MEGF10: variants seen among roughly 807,000 people sequenced by gnomAD.
MEGF10 encodes the protein multiple EGF like domains 10, also known as multiple epidermal growth factor-like domains protein 10.
A neutral mutation model predicts 147.5 loss-of-function variants in MEGF10; 86 were observed. That is an observed-to-expected ratio of 0.58 (90% CI 0.49 to 0.70). MEGF10 has a LOEUF of 0.70. Ranked by LOEUF, MEGF10 falls within the 30% of genes least tolerant of loss-of-function variation. The pLI, the probability that MEGF10 is intolerant of heterozygous loss-of-function variation, is 0.00. For missense variants in MEGF10, 1,329 were observed against 1,487.3 expected (o/e 0.89, Z 1.75); for synonymous variants, 478 against 525.5 (o/e 0.91, Z 1.24).
At chr5:127,264,764 G>T in the MEGF10 span, among the ~76,000 whole-genome samples, 2 of 151,994 alleles carry the variant, frequency 1.3e-5, no homozygotes, top group African/African-American at 4.8e-5. Context: ...AAAGAAAAAG[G>T]GTAGCTGCTT....
chr5:127,266,853 C>T, the MEGF10 span, among the ~76,000 whole-genome samples: 3 of 152,332 alleles, frequency 2.0e-5, no homozygotes, highest in South Asian at 4.1e-4. Context: ...GATATACAAT[C>T]ATGTCATCTG....
intron 2 of MEGF10, among the ~76,000 whole-genome samples, chr5:127,336,057 T>C (rs1415071318): frequency 8.8e-6 from 1 of 113,914 alleles, no homozygotes; most frequent in African/African-American, 3.2e-5. Flanking sequence ...TTATCATTGG[T>C]CAGAAACTGA....
chr5:127,385,653 C>T (rs1445943580), intron 5 of MEGF10, among the ~76,000 whole-genome samples: 1 of 152,106 alleles, frequency 6.6e-6, no homozygotes, highest in East Asian at 1.9e-4. Flanking sequence ...GTATTATAAG[C>T]GGACATCTCT....
intron 5 of MEGF10, among the ~76,000 whole-genome samples, chr5:127,383,102 A>C (rs1501993): frequency 0.016 from 2,441 of 152,292 alleles, 48 homozygotes; most frequent in South Asian, 0.076. Flanking sequence ...CTACTTCTTT[A>C]TAATTTGTTT....
chr5:127,237,898 AT>A, the MEGF10 span, among the ~76,000 whole-genome samples: 9 of 152,002 alleles, frequency 5.9e-5, no homozygotes, highest in Non-Finnish European at 1.3e-4. Flanking sequence ...GGAAATGTTA[AT>A]GCTAGTCATC....
chr5:127,336,391 A>G (rs1761470376), intron 2 of MEGF10, among the ~76,000 whole-genome samples: 2 of 152,066 alleles, frequency 1.3e-5, no homozygotes, highest in African/African-American at 2.4e-5. Flanking sequence ...CAGGAATTGC[A>G]TAGAAGTTGC....
chr5:127,273,699 A>T, the MEGF10 span, among the ~76,000 whole-genome samples: 1 of 152,194 alleles, frequency 6.6e-6, no homozygotes, highest in Non-Finnish European at 1.5e-5. Context: ...TCTTAATTAC[A>T]TGATAAGGTC....
chr5:127,388,641 G>A (rs1763529409), intron 5 of MEGF10, among the ~76,000 whole-genome samples: 1 of 151,768 alleles, frequency 6.6e-6, no homozygotes, highest in South Asian at 2.1e-4. Context: ...CGCCTCCTGG[G>A]TTCACACCAT....
intron 2 of MEGF10, among the ~76,000 whole-genome samples, chr5:127,337,642 T>C (rs989300372): frequency 2.0e-5 from 3 of 152,086 alleles, no homozygotes; most frequent in Admixed American, 6.6e-5. Flanking sequence ...CATCTGAACT[T>C]ATTTTTGCAG....
At chr5:127,247,438 A>G in the MEGF10 span, among the ~76,000 whole-genome samples, 142 of 110,164 alleles carry the variant, frequency 1.3e-3, 26 homozygotes, top group Middle Eastern at 8.8e-3. Context: ...GAAGAAGAAG[A>G]AGAAGAAGAA....
the MEGF10 span, among the ~76,000 whole-genome samples, chr5:127,271,069 T>C: frequency 6.6e-6 from 1 of 152,224 alleles, no homozygotes; most frequent in African/African-American, 2.4e-5. Flanking sequence ...TTCCTTTGGG[T>C]ATATACCCAG....
At chr5:127,435,245 T>C (rs914157279) in intron 15 of MEGF10, 116 bp from the exon 16 acceptor site, 1 of 1,209,062 alleles carries the variant, frequency 8.3e-7, no homozygotes, top group Non-Finnish European at 1.2e-6. Flanking sequence ...TGAGCAGAGA[T>C]AGCTACCAAT....
chr5:127,276,162 T>A, the MEGF10 span, among the ~76,000 whole-genome samples: 1 of 152,242 alleles, frequency 6.6e-6, no homozygotes. Context: ...GTTGTTTTCA[T>A]GTCAGTGACA....
At chr5:127,334,365 A>G (rs1382726570) in intron 2 of MEGF10, among the ~76,000 whole-genome samples, 2 of 152,254 alleles carry the variant, frequency 1.3e-5, no homozygotes, top group Non-Finnish European at 2.9e-5. Flanking sequence ...ACAGACTCTC[A>G]GGTCCCACCC....
At chr5:127,319,508 G>C (rs1760711069) in intron 1 of MEGF10, among the ~76,000 whole-genome samples, 1 of 152,140 alleles carries the variant, frequency 6.6e-6, no homozygotes, top group Non-Finnish European at 1.5e-5. Context: ...TAGGTACTGA[G>C]GATACTGCAG....
intron 1 of MEGF10, among the ~76,000 whole-genome samples, chr5:127,294,835 T>TAATAAAAAA (rs56033520): frequency 1.5e-4 from 22 of 143,142 alleles, no homozygotes; most frequent in Non-Finnish European, 2.7e-4. Flanking sequence ...ATAATAATAA[T>TAATAAAAAA]AAATAACTTG....
the MEGF10 span, among the ~76,000 whole-genome samples, chr5:127,240,774 G>A: frequency 6.6e-6 from 1 of 152,192 alleles, no homozygotes; most frequent in East Asian, 1.9e-4. Flanking sequence ...CAACTCACAG[G>A]AGGATGTTGT....
At chr5:127,363,232 GT>G (rs746348912) in intron 4 of MEGF10, among the ~76,000 whole-genome samples, 2 of 152,126 alleles carry the variant, frequency 1.3e-5, no homozygotes, top group Non-Finnish European at 2.9e-5. Flanking sequence ...CTGAAAGATC[GT>G]TCAAAAGAGC....
chr5:127,264,524 G>A, the MEGF10 span, among the ~76,000 whole-genome samples: 1 of 152,088 alleles, frequency 6.6e-6, no homozygotes, highest in Non-Finnish European at 1.5e-5. Context: ...CTCAGCTGCA[G>A]GCAAGGTTGG....
Sources: gnomAD v4.1 joint callset for allele counts (sites outside exome capture counted in the v4.1 genomes callset) on GRCh38, gnomAD v4.1.1 for gene constraint, MANE v1.5 for transcripts, NCBI Gene and HGNC (gene_info 2026-07-23, HGNC 2026-07-21) for gene names.